Variants in ELP4 observed in about 807,000 individuals in gnomAD.
ELP4 encodes the protein elongator complex protein 4.
ELP4 carries 51 observed loss-of-function variants against 48.9 expected under a neutral mutation model. That is an observed-to-expected ratio of 1.04 (90% confidence interval 0.83 to 1.32). ELP4 has a LOEUF of 1.32. ELP4 is among the 40% of genes most tolerant of loss of function. ELP4 has a pLI of 0.00. For missense variants in ELP4, 519 were observed against 514.6 expected, an observed-to-expected ratio of 1.01 and a Z score of -0.08; for synonymous variants, 210 against 189.2, an observed-to-expected ratio of 1.11 and a Z score of -0.90.
intron 5 of ELP4, among the ~76,000 whole-genome samples, chr11:31,621,371 T>A (rs1163759333): frequency 6.6e-6 from 1 of 151,984 alleles, no homozygotes; most frequent in Non-Finnish European, 1.5e-5. Context: ...TCAGAAGTTC[T>A]TATTTTTAAA....
At chr11:31,663,963 A>G (rs1945616895) in intron 9 of ELP4, 1 of 152,100 alleles carries the variant, frequency 6.6e-6, no homozygotes, top group Admixed American at 6.6e-5. Flanking sequence ...TTTTTAAATT[A>G]TGTAAAACAA....
intron 3 of ELP4, among the ~76,000 whole-genome samples, chr11:31,546,805 C>T (rs995851960): frequency 7.9e-5 from 12 of 152,104 alleles, no homozygotes; most frequent in African/African-American, 2.7e-4. Context: ...ACAGTGCAAT[C>T]AAACTAGAAC....
chr11:31,737,001 T>A (rs1016076317), intron 9 of ELP4, among the ~76,000 whole-genome samples: 3 of 152,186 alleles, frequency 2.0e-5, no homozygotes, highest in Non-Finnish European at 4.4e-5. Context: ...CATGCTGCTA[T>A]AAAGACACAT....
rs767933486 is a variant in ELP4, at chr11:31,619,472, C to T, written c.654-7638C>T. 5.5e-4 allele frequency among the ~76,000 whole-genome samples: 84 copies of T among 151,852 alleles called. 1 individual carries two copies. Among genetic ancestry groups the T allele is most frequent in the Non-Finnish European group, 7.4e-4 (50 of 67,938 alleles). ...GCTGTGAAGTTCCAAGATAAGGGTG[C>T]CAGCATAGTCAGATTCTGGTGAGGG... is the stretch of plus-strand genomic sequence containing the variant. On this transcript the variant is annotated intron_variant, in intron 5 of 9. Transcript: ENST00000640961.
intron 2 of ELP4, among the ~76,000 whole-genome samples, chr11:31,523,735 A>G (rs186051025): frequency 6.6e-6 from 1 of 150,606 alleles, no homozygotes; most frequent in East Asian, 2.0e-4. Flanking sequence ...TTGATTTTAA[A>G]ATCAAAGGTA....
rs866693371 is a variant in ELP4 at position 31,786,844 on chromosome 11, T to C, written c.*3320T>C. On this transcript the variant is annotated 3_prime_UTR_variant, in exon 10 of 10. Coordinates refer to ENST00000640961, the MANE Select transcript of ELP4 (RefSeq NM_019040.5). ...GTTTGAACGTTTATTACTTAAAACA[T>C]TCAGCTCTTATTCTATTCACCTGGT... 78 of 217,498 alleles carry C rather than the reference T, an allele frequency of 3.6e-4. No individual in the cohort carries two copies. Among genetic ancestry groups the C allele is most frequent in the African/African-American group, 1.8e-3 (78 of 44,432 alleles). The allele number at this position is 217,498 out of a possible 1,614,324, so 13.5% of individuals were successfully genotyped here.
chr11:31,753,848 T>C (rs7948834), intron 9 of ELP4, among the ~76,000 whole-genome samples: 96,273 of 151,954 alleles, frequency 0.63, 32,519 homozygotes, highest in African/African-American at 0.88. Flanking sequence ...TGATTCAAAA[T>C]TGTCCATGAG....
At chr11:31,525,124 C>A (rs991371780) in intron 2 of ELP4, among the ~76,000 whole-genome samples, 3 of 152,162 alleles carry the variant, frequency 2.0e-5, no homozygotes, top group Non-Finnish European at 4.4e-5. Context: ...GCCACAAGTA[C>A]AGTGTTGATT....
At chr11:31,562,123 C>A (rs1957033881) in intron 3 of ELP4, among the ~76,000 whole-genome samples, 1 of 152,118 alleles carries the variant, frequency 6.6e-6, no homozygotes, top group Non-Finnish European at 1.5e-5. Context: ...ATTTTCCCAA[C>A]CTCACTACCA....
At chr11:31,686,456 G>A (rs1946163017) in intron 9 of ELP4, among the ~76,000 whole-genome samples, 1 of 152,038 alleles carries the variant, frequency 6.6e-6, no homozygotes, top group Non-Finnish European at 1.5e-5. Context: ...ATGGATAAAG[G>A]AGGGAAGCCC....
chr11:31,666,626 A>T (rs949624627), intron 9 of ELP4, among the ~76,000 whole-genome samples: 4 of 149,394 alleles, frequency 2.7e-5, no homozygotes, highest in Non-Finnish European at 4.4e-5. Flanking sequence ...CGGGAGGCGG[A>T]GATTGCAGTG....
chr11:31,770,663 C>T (rs1444776504), intron 9 of ELP4, among the ~76,000 whole-genome samples: 1 of 151,066 alleles, frequency 6.6e-6, no homozygotes, highest in African/African-American at 2.4e-5. Context: ...CATCTGTAAT[C>T]TCAACACTTT....
chr11:31,733,140 A>G (rs1199277205), intron 9 of ELP4, among the ~76,000 whole-genome samples: 2 of 152,180 alleles, frequency 1.3e-5, no homozygotes. Flanking sequence ...ACATTCTTCA[A>G]AACAGATCAC....
At chr11:31,639,294 AATTAT>A (rs1425718399) in intron 7 of ELP4, among the ~76,000 whole-genome samples, 5 of 151,932 alleles carry the variant, frequency 3.3e-5, no homozygotes, top group Non-Finnish European at 5.9e-5. Context: ...AAATGAACTA[AATTAT>A]ATTATATCCA....
At chr11:31,679,749 G>A (rs903855178) in intron 9 of ELP4, among the ~76,000 whole-genome samples, 9 of 152,154 alleles carry the variant, frequency 5.9e-5, no homozygotes, top group African/African-American at 1.9e-4. Context: ...CTTCAGTATC[G>A]TGTTGGCTAT....
chr11:31,539,824 C>T (rs1261297901), intron 3 of ELP4, 41 bp downstream of exon 3: 1 of 1,518,000 alleles, frequency 6.6e-7, no homozygotes, highest in Admixed American at 2.1e-5. Context: ...TTGAATGTTT[C>T]ATGAAAAAAT....
intron 3 of ELP4, among the ~76,000 whole-genome samples, chr11:31,560,462 A>G (rs1956999747): frequency 1.3e-5 from 2 of 151,734 alleles, no homozygotes; most frequent in African/African-American, 4.8e-5. Context: ...CTATAACTCA[A>G]TATTGTATAA....
intron 3 of ELP4, among the ~76,000 whole-genome samples, chr11:31,588,447 T>G (rs1957513655): frequency 6.6e-6 from 1 of 152,210 alleles, no homozygotes; most frequent in Admixed American, 6.5e-5. Flanking sequence ...TCTGGTCTCT[T>G]AACAACTTTG....
intron 3 of ELP4, among the ~76,000 whole-genome samples, chr11:31,558,423 C>T (rs1463372525): frequency 6.6e-6 from 1 of 152,094 alleles, no homozygotes; most frequent in Admixed American, 6.6e-5. Flanking sequence ...ACCATTGCTG[C>T]TATATTAATA....
Sources: allele counts gnomAD v4.1 joint callset (sites outside exome capture counted in the v4.1 genomes callset), GRCh38; gene constraint gnomAD v4.1.1; transcripts MANE v1.5; gene names NCBI Gene and HGNC (gene_info 2026-07-23, HGNC 2026-07-21).